Variants in ZNF804A observed in about 807,000 individuals in gnomAD.
The protein encoded by ZNF804A is zinc finger protein 804A.
A neutral mutation model predicts 16.5 loss-of-function variants in ZNF804A; 2 were observed. That is an observed-to-expected ratio of 0.12 (90% CI 0.05 to 0.38). The LOEUF (loss-of-function observed/expected upper bound fraction) is 0.38, where lower values mean the gene tolerates loss of function less well. ZNF804A is among the 10% of genes least tolerant of loss of function. The pLI is 0.99. For missense variants in ZNF804A, 1,473 were observed against 1,390.7 expected (o/e 1.06, Z -0.94); for synonymous variants, 534 against 489.6 (o/e 1.09, Z -1.20).
chr2:184,930,380 T>A (rs1685677472), intron 2 of ZNF804A, among the ~76,000 whole-genome samples: 2 of 152,204 alleles, frequency 1.3e-5, no homozygotes, highest in Non-Finnish European at 2.9e-5. Context: ...TTGAGACATT[T>A]ATGACATGAT....
At chr2:184,838,482 T>C (rs149899187) in intron 1 of ZNF804A, among the ~76,000 whole-genome samples, 346 of 152,260 alleles carry the variant, frequency 2.3e-3, no homozygotes, top group Non-Finnish European at 3.7e-3. Context: ...ATTATTAATA[T>C]TGTGATTATT....
At chr2:184,858,274 C>A (rs561156791) in intron 1 of ZNF804A, among the ~76,000 whole-genome samples, 1,611 of 151,896 alleles carry the variant, frequency 0.011, 16 homozygotes, top group Non-Finnish European at 0.016. Flanking sequence ...GAGGCCGAGG[C>A]AGGTGGATCA....
intron 2 of ZNF804A, among the ~76,000 whole-genome samples, chr2:184,903,398 T>C (rs1377567580): frequency 6.6e-6 from 1 of 152,170 alleles, no homozygotes; most frequent in Non-Finnish European, 1.5e-5. Context: ...TGTGTTACAA[T>C]TGCCTACAAT....
rs1273812552 is a variant in ZNF804A, at chr2:184,827,221, G to A, written c.112-39148G>A. ...AATTAGTTGATCTGGTTCTATTATA[G>A]ATGAGATATATATGACTATAATATG... is the stretch of plus-strand genomic sequence containing the variant. On this transcript the variant is annotated intron_variant, in intron 1 of 3. Transcript: ENST00000302277. Among the ~76,000 whole-genome samples the A allele has an allele frequency of 3.3e-5, 5 of 151,192 alleles. No individual in the cohort carries two copies. In the South Asian group the frequency reaches 8.3e-4, roughly 25 times the overall value.
chr2:184,738,166 T>C (rs574734406), intron 1 of ZNF804A, among the ~76,000 whole-genome samples: 233 of 145,586 alleles, frequency 1.6e-3, no homozygotes, highest in Non-Finnish European at 2.8e-3. Context: ...TAAGGAGAAA[T>C]GGAAGCCAAT....
intron 2 of ZNF804A, among the ~76,000 whole-genome samples, chr2:184,881,765 G>A (rs2105818015): frequency 6.6e-6 from 1 of 152,024 alleles, no homozygotes; most frequent in Admixed American, 6.6e-5. Flanking sequence ...ATAACTACCA[G>A]AACTGCCTTA....
At chr2:184,916,734 G>A (rs779287119) in intron 2 of ZNF804A, among the ~76,000 whole-genome samples, 3 of 152,116 alleles carry the variant, frequency 2.0e-5, no homozygotes, top group South Asian at 4.1e-4. Flanking sequence ...TATAGTCACA[G>A]CTACTTGGGA....
chr2:184,889,277 G>T (rs1684945233), intron 2 of ZNF804A, among the ~76,000 whole-genome samples: 1 of 151,688 alleles, frequency 6.6e-6, no homozygotes, highest in Admixed American at 6.6e-5. Context: ...ATCTGAAAAT[G>T]AATATGAAAT....
At chr2:184,708,146 T>G (rs1404935869) in intron 1 of ZNF804A, among the ~76,000 whole-genome samples, 6 of 152,122 alleles carry the variant, frequency 3.9e-5, no homozygotes, top group Admixed American at 3.3e-4. Context: ...AAATGCTTGT[T>G]GATTTGTTTA....
At chr2:184,784,881 A>G (rs961963020) in intron 1 of ZNF804A, among the ~76,000 whole-genome samples, 1 of 152,002 alleles carries the variant, frequency 6.6e-6, no homozygotes, top group African/African-American at 2.4e-5. Flanking sequence ...ACTTCCATCA[A>G]TGGTGGATAA....
At chr2:184,603,068 C>G (rs1053488565) in intron 1 of ZNF804A, among the ~76,000 whole-genome samples, 2 of 152,148 alleles carry the variant, frequency 1.3e-5, no homozygotes, top group African/African-American at 2.4e-5. Flanking sequence ...ACCTAAATGC[C>G]TTGTTTCTGT....
chr2:184,877,139 G>C (rs1684705769), intron 2 of ZNF804A, among the ~76,000 whole-genome samples: 1 of 151,804 alleles, frequency 6.6e-6, no homozygotes, highest in South Asian at 2.1e-4. Flanking sequence ...CTTGGTTGGT[G>C]GTATCAGTGA....
At chr2:184,898,946 A>G (rs751850920) in intron 2 of ZNF804A, among the ~76,000 whole-genome samples, 1 of 152,028 alleles carries the variant, frequency 6.6e-6, no homozygotes, top group Non-Finnish European at 1.5e-5. Context: ...ATTAGTGGTC[A>G]TTATAATGTA....
chr2:184,751,462 A>T (rs1165552746), intron 1 of ZNF804A, among the ~76,000 whole-genome samples: 1 of 151,490 alleles, frequency 6.6e-6, no homozygotes, highest in African/African-American at 2.4e-5. Context: ...TTTGGCAGTA[A>T]TTTCTTGGAT....
rs548412014 is a variant in ZNF804A at position 184,854,036 on chromosome 2, G to A, written c.112-12333G>A. 5.5e-3 allele frequency among the ~76,000 whole-genome samples: 829 copies of A among 151,876 alleles called. 8 individuals carry two copies. Among genetic ancestry groups the A allele is most frequent in the South Asian group, 0.019 (93 of 4,790 alleles). ...TAGAATTCAGCAGTAAAGCCATCAG[G>A]TCCTGGGCTTTTCTTTGATGGGAGA... is the stretch of plus-strand genomic sequence containing the variant. On this transcript the variant is annotated intron_variant, in intron 1 of 3. Coordinates refer to ENST00000302277, the MANE Select transcript of ZNF804A (RefSeq NM_194250.2).
chr2:184,657,015 T>C (rs1183994118), intron 1 of ZNF804A, among the ~76,000 whole-genome samples: 1 of 152,252 alleles, frequency 6.6e-6, no homozygotes, highest in Non-Finnish European at 1.5e-5. Flanking sequence ...CTGCTAAATA[T>C]CATAGAAAAC....
intron 1 of ZNF804A, among the ~76,000 whole-genome samples, chr2:184,604,558 C>A (rs373053438): frequency 3.3e-5 from 5 of 152,096 alleles, no homozygotes; most frequent in Admixed American, 6.6e-5. Context: ...GGGCCAAATT[C>A]AGGCTGCCAA....
rs1289739136 is a variant in ZNF804A at position 184,827,668 on chromosome 2, T to C, written c.112-38701T>C. Among the ~76,000 whole-genome samples, 3 of 151,414 alleles carry C rather than the reference T, an allele frequency of 2.0e-5. No homozygotes were observed. In the East Asian group the frequency reaches 5.8e-4, roughly 29 times the overall value. On this transcript the variant is annotated intron_variant, in intron 1 of 3. Transcript: ENST00000302277. ...AGATGTTCAGATAATGGAATCAATATAAACTAATTTGTTTCTAGTATTTTT... is the reference window on the plus strand; with the variant it reads ...AGATGTTCAGATAATGGAATCAATACAAACTAATTTGTTTCTAGTATTTTT...
chr2:184,820,383 C>T (rs1250483530), intron 1 of ZNF804A, among the ~76,000 whole-genome samples: 1 of 151,990 alleles, frequency 6.6e-6, no homozygotes, highest in Admixed American at 6.6e-5. Context: ...ACATTAAAAG[C>T]TTTCAATGAA....
Sources: allele counts gnomAD v4.1 joint callset (sites outside exome capture counted in the v4.1 genomes callset), GRCh38; gene constraint gnomAD v4.1.1; transcripts MANE v1.5; gene names NCBI Gene and HGNC (gene_info 2026-07-23, HGNC 2026-07-21).